Variants in NELL2 observed in about 807,000 individuals in gnomAD.
NELL2 encodes neural EGFL like 2, also known as protein kinase C-binding protein NELL2.
In NELL2, 41 loss-of-function variants were observed where a neutral mutation model predicts 109.6. The ratio of observed to expected loss-of-function variants is 0.37; its 90% CI spans 0.29 to 0.49. The LOEUF (loss-of-function observed/expected upper bound fraction) is 0.49. Ranked by LOEUF, NELL2 falls within the 20% of genes least tolerant of loss-of-function variation. NELL2 has a pLI of 0.98. For synonymous variants in NELL2, 355 were observed against 344.7 expected (o/e 1.03, Z -0.33); for missense variants, 900 against 1,008.3 (o/e 0.89, Z 1.45).
At chr12:44,842,592 T>C (rs1944261060) in intron 2 of NELL2, among the ~76,000 whole-genome samples, 1 of 152,188 alleles carries the variant, frequency 6.6e-6, no homozygotes, top group Non-Finnish European at 1.5e-5. Context: ...AGATAAACTG[T>C]ATTTCATCAA....
intron 13 of NELL2, among the ~76,000 whole-genome samples, chr12:44,638,105 A>G (rs527594139): frequency 3.0e-4 from 45 of 152,196 alleles, no homozygotes; most frequent in African/African-American, 1.1e-3. Flanking sequence ...TTTACAAAGC[A>G]TTCATTTCCA....
chr12:44,850,892 A>T (rs1379511118), intron 2 of NELL2, among the ~76,000 whole-genome samples: 1 of 152,228 alleles, frequency 6.6e-6, no homozygotes, highest in Non-Finnish European at 1.5e-5. Context: ...ATCAGGAAGT[A>T]TGAAGTGCAA....
Position 44,711,324 on chromosome 12 carries a change from G to C in NELL2, c.1157C>G (p.Thr386Ser), listed in dbSNP as rs1212166113. The change falls in exon 11 of 20, where the codon ACC (threonine) becomes AGC (serine). Residue 386 changes from threonine (T) to serine (S), a missense_variant. This residue lies in a region of NELL2 where 292 missense variants were observed against 265.3 expected (regional missense o/e 1.10). Coordinates refer to ENST00000429094, the MANE Select transcript of NELL2 (RefSeq NM_001145108.2). ...ALDCPESHQITLSHSCCKVCK... is the reference protein window; with the variant it reads ...ALDCPESHQISLSHSCCKVCK... ...AACTTTGCAACAGCTGTGAGACAAG[G>C]TTATCTGATGAGACTCTGGACAATC... 6.2e-7 allele frequency: 1 copy of C among 1,612,560 alleles called. No homozygotes were observed. The highest frequency in any genetic ancestry group is 8.5e-7 in the Non-Finnish European group (1 of 1,178,910).
chr12:44,893,090 T>A (rs138293536), intron 1 of NELL2, among the ~76,000 whole-genome samples: 1 of 152,294 alleles, frequency 6.6e-6, no homozygotes, highest in African/African-American at 2.4e-5. Context: ...AAATTTATTA[T>A]CTTACAATTC....
At chr12:44,569,821 A>T (rs751597046) in intron 15 of NELL2, among the ~76,000 whole-genome samples, 2 of 152,144 alleles carry the variant, frequency 1.3e-5, no homozygotes, top group Admixed American at 6.6e-5. Flanking sequence ...ACTATACTAT[A>T]TAGTACTATC....
intron 12 of NELL2, among the ~76,000 whole-genome samples, chr12:44,681,941 G>A (rs925993876): frequency 1.2e-4 from 18 of 151,862 alleles, no homozygotes; most frequent in Non-Finnish European, 2.4e-4. Context: ...CCAGTAATGG[G>A]ATGGCTGGGT....
upstream of NELL2, chr12:44,876,823 G>A (rs1007733839): frequency 3.8e-5 from 50 of 1,333,170 alleles, no homozygotes; most frequent in Non-Finnish European, 4.3e-5. Context: ...CTGCACTGCC[G>A]AGGTGGAGCT....
chr12:44,861,598 T>G (rs1944845709), intron 2 of NELL2, among the ~76,000 whole-genome samples: 1 of 151,936 alleles, frequency 6.6e-6, no homozygotes, highest in Non-Finnish European at 1.5e-5. Flanking sequence ...TGTCCCAGGC[T>G]TCAGGCCTAC....
chr12:44,848,486 A>G (rs1361528643), intron 2 of NELL2, among the ~76,000 whole-genome samples: 1 of 152,146 alleles, frequency 6.6e-6, no homozygotes, highest in East Asian at 1.9e-4. Context: ...AGGTGGGCAA[A>G]GGATATCAAC....
At chr12:44,572,013 C>G (rs1407344817) in intron 15 of NELL2, among the ~76,000 whole-genome samples, 2 of 151,564 alleles carry the variant, frequency 1.3e-5, no homozygotes, top group African/African-American at 2.4e-5. Context: ...GTGCATAGCT[C>G]AAAAAAGAAA....
intron 1 of NELL2, among the ~76,000 whole-genome samples, chr12:44,921,391 G>T (rs905564539): frequency 9.9e-5 from 15 of 152,148 alleles, no homozygotes; most frequent in African/African-American, 3.4e-4. Context: ...TCTGGCAGAG[G>T]TCTATAACAA....
In NELL2 at chr12:44,538,108, T is replaced by TA. The variant is rs1723433162; in HGVS notation, c.1664-5388dup. ...GAGTCATATGAAATATTCTTATCCTTATGTCATAGACAAGAAGGTGGTGAC... is the reference window on the plus strand; with the variant it reads ...GAGTCATATGAAATATTCTTATCCTTAATGTCATAGACAAGAAGGTGGTGAC... On this transcript the variant is annotated intron_variant, in intron 15 of 19. Transcript: ENST00000429094. 2.0e-5 allele frequency among the ~76,000 whole-genome samples: 3 copies of TA among 152,188 alleles called. No homozygotes were observed. In the South Asian group the frequency reaches 6.2e-4, roughly 32 times the overall value.
intron 16 of NELL2, among the ~76,000 whole-genome samples, chr12:44,524,968 A>G (rs1012060496): frequency 2.6e-5 from 4 of 152,194 alleles, no homozygotes; most frequent in Non-Finnish European, 5.9e-5. Context: ...ATTTGGAATG[A>G]TATGGTACAT....
chr12:44,848,182 G>A (rs957486937), intron 2 of NELL2, among the ~76,000 whole-genome samples: 2 of 152,100 alleles, frequency 1.3e-5, no homozygotes, highest in African/African-American at 4.8e-5. Context: ...CTAAGGAGAG[G>A]GGATGTCCTG....
intron 2 of NELL2, among the ~76,000 whole-genome samples, chr12:44,836,593 G>A (rs1281132216): frequency 6.6e-6 from 1 of 152,184 alleles, no homozygotes; most frequent in Non-Finnish European, 1.5e-5. Context: ...TCCCAGCCCT[G>A]ATAGAGAAAA....
intron 19 of NELL2, 139 bp downstream of exon 19, chr12:44,519,866 C>G (rs1183069468): frequency 1.4e-6 from 1 of 734,752 alleles, no homozygotes; most frequent in Non-Finnish European, 2.3e-6. Flanking sequence ...AGCTGAGTGG[C>G]ATTCCGCCCA....
chr12:44,556,757 A>G lies in NELL2; in HGVS notation c.1664-24036T>C, dbSNP rs1943272366. Among the ~76,000 whole-genome samples the G allele has an allele frequency of 2.0e-5, 3 of 152,214 alleles. No individual in the cohort carries two copies. In the South Asian group the frequency reaches 6.2e-4, roughly 31 times the overall value. ...GGTCCTGTACTCTGCCAGAAACGCT[A>G]TGCAAAGCAAGTGACTTCTAAAATG... On this transcript the variant is annotated intron_variant, in intron 15 of 19. Coordinates refer to ENST00000429094, the MANE Select transcript of NELL2 (RefSeq NM_001145108.2).
chr12:44,711,947 A>G (rs1389760177), intron 10 of NELL2, among the ~76,000 whole-genome samples: 1 of 152,070 alleles, frequency 6.6e-6, no homozygotes, highest in Non-Finnish European at 1.5e-5. Flanking sequence ...CATAATTGGC[A>G]CTTAAAAAAT....
At chr12:44,783,829 T>C (rs1942057465) in intron 3 of NELL2, among the ~76,000 whole-genome samples, 1 of 152,054 alleles carries the variant, frequency 6.6e-6, no homozygotes, top group Non-Finnish European at 1.5e-5. Flanking sequence ...TTTATGTATT[T>C]ATATTGCCCT....
Sources: gnomAD v4.1 joint callset for allele counts (sites outside exome capture counted in the v4.1 genomes callset) on GRCh38, gnomAD v4.1.1 for gene constraint, gnomAD v4.1.1 regional missense constraint, MANE v1.5 for transcripts, NCBI Gene and HGNC (gene_info 2026-07-23, HGNC 2026-07-21) for gene names.